TANGO6: variants seen among roughly 807,000 people sequenced by gnomAD.
TANGO6 encodes the protein transport and Golgi organization protein 6 homolog.
A neutral mutation model predicts 114.2 loss-of-function variants in TANGO6; 90 were observed. The observed-to-expected ratio is 0.79, with a 90% CI of 0.66 to 0.94. The LOEUF (loss-of-function observed/expected upper bound fraction) is 0.94, where lower values mean the gene tolerates loss of function less well. TANGO6 is among the 40% of genes least tolerant of loss of function. The probability of loss-of-function intolerance (pLI) is 0.00; values close to 1 mark genes in which losing one functional copy is unlikely to be tolerated. For synonymous variants in TANGO6, 477 were observed against 509.8 expected, an observed-to-expected ratio of 0.94 and a Z score of 0.87; for missense variants, 1,274 against 1,315.3, an observed-to-expected ratio of 0.97 and a Z score of 0.49.
chr16:68,919,354 G>C, intron 12 of TANGO6, 135 bp downstream of exon 12: 1 of 1,204,720 alleles, frequency 8.3e-7, no homozygotes, highest in Non-Finnish European at 1.1e-6. Context: ...AAGTTAGTTT[G>C]TTAATGAGAA....
chr16:68,946,277 C>T (rs1000077664), intron 14 of TANGO6, among the ~76,000 whole-genome samples: 3 of 151,748 alleles, frequency 2.0e-5, no homozygotes, highest in African/African-American at 4.8e-5. Flanking sequence ...CTGCAAGCTC[C>T]GCCTCCCGGG....
chr16:68,879,830 A>C (rs1414851744), intron 6 of TANGO6, among the ~76,000 whole-genome samples: 4 of 151,236 alleles, frequency 2.6e-5, no homozygotes, highest in African/African-American at 9.7e-5. Flanking sequence ...GTTAGCCAGG[A>C]TGGTCTCAGT....
At chr16:68,939,051 G>A in intron 14 of TANGO6, among the ~76,000 whole-genome samples, 1 of 122,818 alleles carries the variant, frequency 8.1e-6, no homozygotes, top group African/African-American at 3.2e-5. Context: ...CAGCCTGGGT[G>A]ACAGAGTGAG....
chr16:68,968,937 T>C (rs1206396100), intron 14 of TANGO6, among the ~76,000 whole-genome samples: 1 of 152,182 alleles, frequency 6.6e-6, no homozygotes, highest in East Asian at 1.9e-4. Flanking sequence ...CCCAAAGTGC[T>C]GGGATTACAG....
intron 17 of TANGO6, among the ~76,000 whole-genome samples, chr16:69,079,410 A>T (rs1040437907): frequency 6.6e-6 from 1 of 151,836 alleles, no homozygotes; most frequent in African/African-American, 2.4e-5. Context: ...TATAGGCCCT[A>T]TTTCTTTTAA....
chr16:68,875,046 A>G (rs1430097074), intron 4 of TANGO6, 108 bp from the exon 5 acceptor site: 7 of 1,223,716 alleles, frequency 5.7e-6, no homozygotes, highest in Middle Eastern at 2.5e-4. Context: ...ACTATTTTCA[A>G]TAGAAAAGAT....
At chr16:69,007,673 T>C (rs2152223115) in intron 15 of TANGO6, among the ~76,000 whole-genome samples, 1 of 152,350 alleles carries the variant, frequency 6.6e-6, no homozygotes, top group Non-Finnish European at 1.5e-5. Flanking sequence ...TATGTGGAAA[T>C]GTGTTTTCAG....
intron 16 of TANGO6, chr16:69,026,358 A>C (rs1386400716): frequency 6.5e-6 from 1 of 153,926 alleles, no homozygotes; most frequent in Non-Finnish European, 1.5e-5. Context: ...TTTACGCTAT[A>C]ATCTTTCTCT....
intron 15 of TANGO6, among the ~76,000 whole-genome samples, chr16:68,982,935 A>G (rs996231692): frequency 1.3e-5 from 2 of 152,090 alleles, no homozygotes; most frequent in Non-Finnish European, 2.9e-5. Flanking sequence ...AGGGATCAGA[A>G]GAGAAAATGA....
chr16:68,867,826 G>A (rs1596995945), intron 4 of TANGO6: 2 of 149,726 alleles, frequency 1.3e-5, no homozygotes, highest in South Asian at 4.2e-4. Context: ...GACAGAATGA[G>A]ACTTTGTCTC....
intron 14 of TANGO6, among the ~76,000 whole-genome samples, chr16:68,966,770 ATT>A (rs772432410): frequency 0.053 from 6,837 of 128,920 alleles, 169 homozygotes; most frequent in Non-Finnish European, 0.074. Flanking sequence ...TGTCTGGCTA[ATT>A]TTTTTTTTTT....
At chr16:69,042,375 C>A (rs183621199) in intron 17 of TANGO6, among the ~76,000 whole-genome samples, 1 of 151,936 alleles carries the variant, frequency 6.6e-6, no homozygotes, top group Non-Finnish European at 1.5e-5. Flanking sequence ...GGTGAAACCC[C>A]GTCTCTACTA....
intron 1 of TANGO6, among the ~76,000 whole-genome samples, chr16:68,851,410 G>A (rs1370202151): frequency 1.3e-5 from 2 of 152,094 alleles, no homozygotes; most frequent in South Asian, 2.1e-4. Context: ...CGCCCACCTC[G>A]GCCTCCCAAA....
Position 68,970,403 on chromosome 16 carries a change from C to T in TANGO6, c.2702-3625C>T, listed in dbSNP as rs560914944. 5.3e-5 allele frequency among the ~76,000 whole-genome samples: 8 copies of T among 152,296 alleles called. No homozygotes were observed. The East Asian group carries it at 9.6e-4, about 18-fold the overall frequency. On this transcript the variant is annotated intron_variant, in intron 14 of 17. Coordinates refer to ENST00000261778, the MANE Select transcript of TANGO6 (RefSeq NM_024562.2). ...ACAGTAAGGGCCCGGCACGGTGGCT[C>T]ATGCCTTTAATCCCAGCACTTTGGG...
At chr16:69,033,156 A>T (rs575866862) in intron 16 of TANGO6, among the ~76,000 whole-genome samples, 2 of 152,342 alleles carry the variant, frequency 1.3e-5, no homozygotes, top group African/African-American at 2.4e-5. Flanking sequence ...ACTGTACTCC[A>T]GCCTGGGCAA....
At chr16:69,046,562 C>T (rs1021862837) in intron 17 of TANGO6, among the ~76,000 whole-genome samples, 56 of 152,124 alleles carry the variant, frequency 3.7e-4, no homozygotes, top group African/African-American at 1.2e-3. Flanking sequence ...GTGATCTGCC[C>T]GCCTCAGCCT....
chr16:68,973,257 A>G, intron 14 of TANGO6: 1 of 411,314 alleles, frequency 2.4e-6, no homozygotes, highest in Non-Finnish European at 4.7e-6. Flanking sequence ...ATTTCTACTT[A>G]TTCCTTCTTT....
chr16:68,925,324 A>G (rs756576417), intron 12 of TANGO6, among the ~76,000 whole-genome samples: 37 of 152,232 alleles, frequency 2.4e-4, no homozygotes, highest in Middle Eastern at 3.4e-3. Flanking sequence ...AAAAGAAAAA[A>G]TTGCAATTCC....
Position 68,859,964 on chromosome 16 carries a change from G to T in TANGO6, c.175G>T (p.Asp59Tyr). 1 of 1,612,876 alleles carries T rather than the reference G, an allele frequency of 6.2e-7. No homozygotes were observed. The highest frequency in any genetic ancestry group is 8.5e-7 in the Non-Finnish European group (1 of 1,179,040). The stretch of plus-strand genomic sequence containing the variant: ...AAAATCTAACCTGTCTGCTTTGGAG[G>T]ACAAGTTTCTGAAGGATCCTCAGTG... Reference protein sequence around the residue: ...TLKSNLSALEDKFLKDPQWKN... With the variant: ...TLKSNLSALEYKFLKDPQWKN... Residue 59 changes from aspartate (D) to tyrosine (Y), a missense_variant, in exon 2 of 18, where the codon GAC (aspartate) becomes TAC (tyrosine). This residue lies in a region of TANGO6 where 114 missense variants were observed against 104.6 expected (regional missense o/e 1.09). Transcript: ENST00000261778.
Sources: allele counts gnomAD v4.1 joint callset (sites outside exome capture counted in the v4.1 genomes callset), GRCh38; gene constraint gnomAD v4.1.1; regional missense constraint gnomAD v4.1.1; transcripts MANE v1.5; gene names NCBI Gene and HGNC (gene_info 2026-07-23, HGNC 2026-07-21).